Variants in DCUN1D5 observed in about 807,000 individuals in gnomAD.
DCUN1D5 encodes defective in cullin neddylation 1 domain containing 5.
A neutral mutation model predicts 38.3 loss-of-function variants in DCUN1D5; 10 were observed. The ratio of observed to expected loss-of-function variants is 0.26; its 90% CI spans 0.16 to 0.44. The LOEUF is 0.44. DCUN1D5 is among the 20% of genes least tolerant of loss of function. DCUN1D5 has a pLI of 1.00. For synonymous variants in DCUN1D5, 93 were observed against 90.9 expected, an observed-to-expected ratio of 1.02 and a Z score of -0.13; for missense variants, 148 against 275.3, an observed-to-expected ratio of 0.54 and a Z score of 3.27.
Position 103,092,058 on chromosome 11 carries a change from C to T in DCUN1D5, c.-186G>A. ...TCCCAGGTATCCTCGTCGTCTTTCT[C>T]TGACCGGGACAGGGCTGGCTCCTCG... On this transcript the variant is annotated 5_prime_UTR_variant, in exon 1 of 8. Coordinates refer to ENST00000260247, the MANE Select transcript of DCUN1D5 (RefSeq NM_032299.4). 1.7e-6 allele frequency: 1 copy of T among 598,642 alleles called. No homozygotes were observed. Among genetic ancestry groups the T allele is most frequent in the East Asian group, 2.8e-5 (1 of 35,426 alleles). The allele number at this position is 598,642 out of a possible 1,614,324, so 37.1% of individuals were successfully genotyped here. A position where few individuals can be genotyped will look rare whatever the true frequency, so the allele number is the denominator to read the frequency against.
At chr11:103,069,344 A>G (rs1862214608) in intron 4 of DCUN1D5, among the ~76,000 whole-genome samples, 1 of 152,208 alleles carries the variant, frequency 6.6e-6, no homozygotes, top group South Asian at 2.1e-4. Context: ...GAGGAGCCTC[A>G]CAAAACAGAA....
Position 103,064,167 on chromosome 11 carries a change from T to TA in DCUN1D5, c.658+107dup. 2 of 726,940 alleles carry TA rather than the reference T, an allele frequency of 2.8e-6. No homozygotes were observed. The highest frequency in any genetic ancestry group is 4.5e-6 in the Non-Finnish European group (2 of 445,510). 45.0% of individuals were successfully genotyped at this position (726,940 alleles called of 1,614,324 possible). A position where few individuals can be genotyped will look rare whatever the true frequency, so the allele number is the denominator to read the frequency against. ...CAATCCCTCACACAATTAAATAAGTTACTATTACAAAGTTTAAAACCTCTA... is the reference window on the plus strand; with the variant it reads ...CAATCCCTCACACAATTAAATAAGTTAACTATTACAAAGTTTAAAACCTCTA... On this transcript the variant is annotated intron_variant, in intron 7 of 7. Coordinates refer to ENST00000260247, the MANE Select transcript of DCUN1D5 (RefSeq NM_032299.4). This position sits in a 1 kb window ranked among gnomAD's most constrained non-coding sequence, Gnocchi z 4.5.
intron 2 of DCUN1D5, among the ~76,000 whole-genome samples, chr11:103,088,060 C>CGGGTGTGG (rs930509078): frequency 1.3e-5 from 2 of 152,114 alleles, no homozygotes; most frequent in African/African-American, 4.8e-5. Context: ...TAGAAAGAAT[C>CGGGTGTGG]TGTTCTGTTA....
intron 2 of DCUN1D5, among the ~76,000 whole-genome samples, chr11:103,085,559 A>C (rs1389361350): frequency 6.6e-6 from 1 of 152,248 alleles, no homozygotes; most frequent in Non-Finnish European, 1.5e-5. Context: ...TAGAGATATA[A>C]TACCTTATAA....
In DCUN1D5 at chr11:103,053,996, AG is replaced by A. The variant is rs1349280151; in HGVS notation, c.*8362del. 6.6e-6 allele frequency: 1 copy of A among 152,176 alleles called. No homozygotes were observed. Among genetic ancestry groups the A allele is most frequent in the African/African-American group, 2.4e-5 (1 of 41,464 alleles). 9.4% of individuals were successfully genotyped at this position (152,176 alleles called of 1,614,324 possible). A position where few individuals can be genotyped will look rare whatever the true frequency, so the allele number is the denominator to read the frequency against. ...AATGAAAGAACTAGCACACAGAAAT[AG>A]GTACCCTAAAAGGACTAGGGGTGCA... On this transcript the variant is annotated 3_prime_UTR_variant, in exon 8 of 8. Transcript: ENST00000260247. This position sits in a 1 kb window ranked among gnomAD's most constrained non-coding sequence, Gnocchi z 4.8.
rs1252918247 is a variant in DCUN1D5, at chr11:103,078,217, C to T, written c.341+4531G>A. On this transcript the variant is annotated intron_variant, in intron 4 of 7. Transcript: ENST00000260247. This position sits in a 1 kb window ranked among gnomAD's most constrained non-coding sequence, Gnocchi z 4.6. ...TATCATAATCAAGTACGGTCCTCTT[C>T]AAAGGTCTATATTCAGTTTTCTCCA... is the stretch of plus-strand genomic sequence containing the variant. Among the ~76,000 whole-genome samples the T allele has an allele frequency of 2.6e-5, 4 of 152,142 alleles. No individual in the cohort carries two copies. Among genetic ancestry groups the T allele is most frequent in the Admixed American group, 2.0e-4 (3 of 15,270 alleles).
chr11:103,056,470 C>T lies in DCUN1D5; in HGVS notation c.*5889G>A, dbSNP rs1017560786. Among the ~76,000 whole-genome samples, 2 of 152,160 alleles carry T rather than the reference C, an allele frequency of 1.3e-5. No homozygotes were observed. Among genetic ancestry groups the T allele is most frequent in the Admixed American group, 1.3e-4 (2 of 15,282 alleles). On this transcript the variant is annotated 3_prime_UTR_variant, in exon 8 of 8. Coordinates refer to ENST00000260247, the MANE Select transcript of DCUN1D5 (RefSeq NM_032299.4). This position sits in a 1 kb window ranked among gnomAD's most constrained non-coding sequence, Gnocchi z 4.9. ...CCATTCACCTCCTCAGGCCTCTGCTCAATGTCACATATCAGTGTACATGCT... is the reference window on the plus strand; with the variant it reads ...CCATTCACCTCCTCAGGCCTCTGCTTAATGTCACATATCAGTGTACATGCT...
chr11:103,067,658 T>A (rs1862166594), intron 4 of DCUN1D5, among the ~76,000 whole-genome samples: 1 of 152,206 alleles, frequency 6.6e-6, no homozygotes, highest in Non-Finnish European at 1.5e-5. Flanking sequence ...AGGCCTATAA[T>A]GTGTAGTAAC....
In DCUN1D5 at chr11:103,091,292, G is replaced by A. The variant is rs905231396; in HGVS notation, c.86+495C>T. ...GCCACTCCAAATACTAAATATGGAG[G>A]CCAATTATAGCATACAAGTTTTCCT... is the stretch of plus-strand genomic sequence containing the variant. On this transcript the variant is annotated intron_variant, in intron 1 of 7. Transcript: ENST00000260247. The surrounding 1 kb of genome is among the most constrained non-coding windows in gnomAD (Gnocchi z 4.3). Among the ~76,000 whole-genome samples, 2 of 152,204 alleles carry A rather than the reference G, an allele frequency of 1.3e-5. No homozygotes were observed. The highest frequency in any genetic ancestry group is 3.9e-4 in the East Asian group (2 of 5,178).
In DCUN1D5 at chr11:103,063,457, A is replaced by G. The variant is rs918532231; in HGVS notation, c.658+818T>C. ...TCTTTAAAATAATACTAAATTTTATACCATCTTGTAGAGAGAGGACAAAAT... is the reference window on the plus strand; with the variant it reads ...TCTTTAAAATAATACTAAATTTTATGCCATCTTGTAGAGAGAGGACAAAAT... On this transcript the variant is annotated intron_variant, in intron 7 of 7. Coordinates refer to ENST00000260247, the MANE Select transcript of DCUN1D5 (RefSeq NM_032299.4). This position sits in a 1 kb window ranked among gnomAD's most constrained non-coding sequence, Gnocchi z 4.6. 2.0e-5 allele frequency among the ~76,000 whole-genome samples: 3 copies of G among 152,150 alleles called. No individual in the cohort carries two copies. Among genetic ancestry groups the G allele is most frequent in the Non-Finnish European group, 4.4e-5 (3 of 67,994 alleles).
At position 103,051,501 on chromosome 11, in the gene DCUN1D5, T is replaced by TGCC. The variant is rs1861730091; in HGVS notation, c.*10857_*10858insGGC. ...GATTTGGTGGCTTCACATATTTACT[T>TGCC]CCCCCCCCCCCCCGCCACCCCTGTG... On this transcript the variant is annotated 3_prime_UTR_variant, in exon 8 of 8. Coordinates refer to ENST00000260247, the MANE Select transcript of DCUN1D5 (RefSeq NM_032299.4). The TGCC allele has an allele frequency of 9.0e-6, 1 of 111,418 alleles. No homozygotes were observed. The allele number at this position is 111,418 out of a possible 1,614,324, so 6.9% of individuals were successfully genotyped here.
chr11:103,064,533 G>A lies in DCUN1D5; in HGVS notation c.556-156C>T, dbSNP rs1034453854. ...TGTGTTTCTAAGAGATTCCTCATGG[G>A]CATTTACATATTAACATAATCTATT... On this transcript the variant is annotated intron_variant, in intron 6 of 7. Transcript: ENST00000260247. The surrounding 1 kb of genome is among the most constrained non-coding windows in gnomAD (Gnocchi z 4.5). 1.3e-5 allele frequency among the ~76,000 whole-genome samples: 2 copies of A among 151,376 alleles called. No homozygotes were observed. The highest frequency in any genetic ancestry group is 4.9e-5 in the African/African-American group (2 of 41,160).
chr11:103,054,977 T>G lies in DCUN1D5; in HGVS notation c.*7382A>C, dbSNP rs1861837949. ...TTGAATATCTCTTATCCAAAATGCT[T>G]GGGACCGGAAGTGTTTTAGATTTCT... On this transcript the variant is annotated 3_prime_UTR_variant, in exon 8 of 8. Coordinates refer to ENST00000260247, the MANE Select transcript of DCUN1D5 (RefSeq NM_032299.4). 1 of 152,082 alleles carries G rather than the reference T, an allele frequency of 6.6e-6. No individual in the cohort carries two copies. The highest frequency in any genetic ancestry group is 2.4e-5 in the African/African-American group (1 of 41,422). The allele number at this position is 152,082 out of a possible 1,614,324, so 9.4% of individuals were successfully genotyped here. A position where few individuals can be genotyped will look rare whatever the true frequency, so the allele number is the denominator to read the frequency against.
chr11:103,071,640 C>T lies in DCUN1D5; in HGVS notation c.342-5073G>A, dbSNP rs974619458. Among the ~76,000 whole-genome samples the T allele has an allele frequency of 6.6e-6, 1 of 150,534 alleles. No homozygotes were observed. The highest frequency in any genetic ancestry group is 1.5e-5 in the Non-Finnish European group (1 of 67,610). ...TTTTTACATAGATATAAAAATTCTACATATGTAACAATTTTTCTACATCAA... is the reference window on the plus strand; with the variant it reads ...TTTTTACATAGATATAAAAATTCTATATATGTAACAATTTTTCTACATCAA... On this transcript the variant is annotated intron_variant, in intron 4 of 7. Coordinates refer to ENST00000260247, the MANE Select transcript of DCUN1D5 (RefSeq NM_032299.4). This position sits in a 1 kb window ranked among gnomAD's most constrained non-coding sequence, Gnocchi z 4.1.
rs1038830357 is a variant in DCUN1D5 at position 103,065,569 on chromosome 11, T to C, written c.555+700A>G. Among the ~76,000 whole-genome samples, 3 of 151,764 alleles carry C rather than the reference T, an allele frequency of 2.0e-5. No homozygotes were observed. The highest frequency in any genetic ancestry group is 6.6e-5 in the Admixed American group (1 of 15,238). On this transcript the variant is annotated intron_variant, in intron 6 of 7. Coordinates refer to ENST00000260247, the MANE Select transcript of DCUN1D5 (RefSeq NM_032299.4). This position sits in a 1 kb window ranked among gnomAD's most constrained non-coding sequence, Gnocchi z 4.6. ...AAGGAAAAAGCATCTGTATTCAAGA[T>C]ATGGTGAGAACTATACCAATAACCC... is the stretch of plus-strand genomic sequence containing the variant.
Position 103,059,381 on chromosome 11 carries a change from A to C in DCUN1D5, c.*2978T>G, listed in dbSNP as rs1219452581. ...GAGTGATGGCATTCAATATTAAGATATAATTTTTGGTTTGCTAGATGAAAA... is the reference window on the plus strand; with the variant it reads ...GAGTGATGGCATTCAATATTAAGATCTAATTTTTGGTTTGCTAGATGAAAA... On this transcript the variant is annotated 3_prime_UTR_variant, in exon 8 of 8. Coordinates refer to ENST00000260247, the MANE Select transcript of DCUN1D5 (RefSeq NM_032299.4). 6.6e-6 allele frequency among the ~76,000 whole-genome samples: 1 copy of C among 152,244 alleles called. No individual in the cohort carries two copies. The highest frequency in any genetic ancestry group is 2.1e-4 in the South Asian group (1 of 4,824).
At chr11:103,070,872 C>A (rs555331167) in intron 4 of DCUN1D5, among the ~76,000 whole-genome samples, 8 of 152,232 alleles carry the variant, frequency 5.3e-5, no homozygotes, top group African/African-American at 1.9e-4. Context: ...AGAATGTGTT[C>A]TCTGACAACA....
At chr11:103,084,932 A>G (rs1862661835) in intron 2 of DCUN1D5, among the ~76,000 whole-genome samples, 1 of 152,138 alleles carries the variant, frequency 6.6e-6, no homozygotes, top group Admixed American at 6.6e-5. Context: ...GGCTGCAATG[A>G]GCCATGATCA....
In DCUN1D5 at chr11:103,056,402, T is replaced by G. The variant is rs1861873389; in HGVS notation, c.*5957A>C. On this transcript the variant is annotated 3_prime_UTR_variant, in exon 8 of 8. Transcript: ENST00000260247. The surrounding 1 kb of genome is among the most constrained non-coding windows in gnomAD (Gnocchi z 4.9). ...TCAGGGCCTTAGCATGTAATATTCC[T>G]TCTGCCTGGAATGCTCTCCTCCCAG... 6.6e-6 allele frequency among the ~76,000 whole-genome samples: 1 copy of G among 152,186 alleles called. No homozygotes were observed. Among genetic ancestry groups the G allele is most frequent in the South Asian group, 2.1e-4 (1 of 4,826 alleles).
Sources: allele counts gnomAD v4.1 joint callset (sites outside exome capture counted in the v4.1 genomes callset), GRCh38; gene constraint gnomAD v4.1.1; non-coding constraint Gnocchi (gnomAD v3.1); transcripts MANE v1.5; gene names NCBI Gene and HGNC (gene_info 2026-07-23, HGNC 2026-07-21).